The following CTNNA2 variants were observed in gnomAD, a reference collection of about 807,000 sequenced individuals.
CTNNA2 encodes catenin alpha-2.
CTNNA2 carries 42 observed loss-of-function variants against 101.0 expected under a neutral mutation model. The ratio of observed to expected loss-of-function variants is 0.42; its 90% CI spans 0.32 to 0.54. The LOEUF (loss-of-function observed/expected upper bound fraction) is 0.54, where lower values mean the gene tolerates loss of function less well. Among genes scored for constraint, CTNNA2 ranks in the 20% least tolerant of loss-of-function variants. The probability of loss-of-function intolerance (pLI) is 0.14; values close to 1 mark genes in which losing one functional copy is unlikely to be tolerated. For missense variants in CTNNA2, 871 were observed against 1,223.1 expected (o/e 0.71, Z 4.29); for synonymous variants, 450 against 456.4 (o/e 0.99, Z 0.18).
At chr2:79,481,460 T>C (rs1207913611) in intron 4 of CTNNA2, among the ~76,000 whole-genome samples, 1 of 152,108 alleles carries the variant, frequency 6.6e-6, no homozygotes, top group Non-Finnish European at 1.5e-5. Flanking sequence ...GAAGAGTCTC[T>C]TTTCCTGAGA....
At chr2:79,625,502 A>T (rs991341070) in intron 1 of CTNNA2, among the ~76,000 whole-genome samples, 2 of 152,236 alleles carry the variant, frequency 1.3e-5, no homozygotes, top group African/African-American at 4.8e-5. Context: ...CTTTTGTTTC[A>T]GTTTTATAGC....
chr2:80,308,979 C>T (rs762400533), intron 7 of CTNNA2, among the ~76,000 whole-genome samples: 2 of 152,014 alleles, frequency 1.3e-5, no homozygotes, highest in Non-Finnish European at 2.9e-5. Flanking sequence ...ATCCCAGCTA[C>T]TCAGGAGGCT....
intron 7 of CTNNA2, among the ~76,000 whole-genome samples, chr2:80,347,999 G>A (rs1559031343): frequency 6.6e-6 from 1 of 152,030 alleles, no homozygotes; most frequent in Non-Finnish European, 1.5e-5. Flanking sequence ...GTTCGATCAT[G>A]ATGGGTTTCC....
chr2:80,075,574 TAATATTTATACATGTATAAATATA>T (rs1196144388), intron 7 of CTNNA2, among the ~76,000 whole-genome samples: 14,867 of 124,738 alleles, frequency 0.12, 1,957 homozygotes, highest in Non-Finnish European at 0.18. Context: ...TATTATAAAA[TAATATTTATACATGTATAAATATA>T]AATATTTATA....
intron 18 of CTNNA2, among the ~76,000 whole-genome samples, chr2:80,624,056 C>T (rs1458460069): frequency 6.6e-6 from 1 of 151,896 alleles, no homozygotes; most frequent in African/African-American, 2.4e-5. Context: ...ATTCAAGAGA[C>T]CATCCTTCAT....
At chr2:80,039,366 T>C (rs1695882592) in intron 7 of CTNNA2, among the ~76,000 whole-genome samples, 1 of 152,190 alleles carries the variant, frequency 6.6e-6, no homozygotes, top group African/African-American at 2.4e-5. Context: ...AAAACCAGAA[T>C]GTCCGGGGAA....
chr2:80,077,803 A>G (rs923862683), intron 7 of CTNNA2, among the ~76,000 whole-genome samples: 1 of 152,166 alleles, frequency 6.6e-6, no homozygotes, highest in Admixed American at 6.6e-5. Flanking sequence ...AAGCGAGAGG[A>G]GCACTCGTGA....
At chr2:79,287,210 G>A (rs919658634) in intron 2 of CTNNA2, among the ~76,000 whole-genome samples, 53 of 152,158 alleles carry the variant, frequency 3.5e-4, no homozygotes, top group Admixed American at 1.7e-3. Context: ...ATGTCCTCCC[G>A]TAGCTCGGAG....
intron 17 of CTNNA2, among the ~76,000 whole-genome samples, chr2:80,617,827 T>C (rs1573470142): frequency 6.6e-6 from 1 of 151,836 alleles, no homozygotes; most frequent in East Asian, 1.9e-4. Context: ...AACAGAAAAA[T>C]CCCAAATTAA....
At chr2:80,596,248 T>G (rs548791019) in intron 15 of CTNNA2, among the ~76,000 whole-genome samples, 3 of 145,924 alleles carry the variant, frequency 2.1e-5, no homozygotes, top group Middle Eastern at 3.5e-3. Flanking sequence ...GCTTATCGAC[T>G]TAAGGAGTTT....
chr2:80,551,562 A>T (rs142966335), intron 11 of CTNNA2, among the ~76,000 whole-genome samples: 2 of 152,158 alleles, frequency 1.3e-5, no homozygotes, highest in Non-Finnish European at 2.9e-5. Context: ...TTGCACTTTT[A>T]TGTTATGGAG....
chr2:80,041,766 T>C (rs535309778), intron 7 of CTNNA2, among the ~76,000 whole-genome samples: 29 of 152,290 alleles, frequency 1.9e-4, no homozygotes, highest in Admixed American at 1.8e-3. Flanking sequence ...TAAGACAGTG[T>C]CAACCCCCTG....
At chr2:80,043,005 C>CT (rs1469587339) in intron 7 of CTNNA2, among the ~76,000 whole-genome samples, 13 of 149,488 alleles carry the variant, frequency 8.7e-5, no homozygotes, top group South Asian at 8.5e-4. Context: ...CCTTCCTTTC[C>CT]TTCCTTTCTT....
intron 11 of CTNNA2, among the ~76,000 whole-genome samples, chr2:80,550,286 A>T (rs1692451769): frequency 6.6e-6 from 1 of 152,172 alleles, no homozygotes; most frequent in Non-Finnish European, 1.5e-5. Context: ...GATCATTCTG[A>T]GCCTTCAGCC....
chr2:80,601,405 T>TTTTC (rs201436020), intron 15 of CTNNA2, among the ~76,000 whole-genome samples: 3 of 130,100 alleles, frequency 2.3e-5, no homozygotes, highest in Admixed American at 8.3e-5. Context: ...TTAATGACTT[T>TTTTC]TTTCTTTCTT....
intron 4 of CTNNA2, among the ~76,000 whole-genome samples, chr2:79,382,339 G>A (rs1455864672): frequency 7.9e-5 from 12 of 151,970 alleles, no homozygotes; most frequent in East Asian, 3.9e-4. Flanking sequence ...CTCAGCCTCC[G>A]TAGTCACATG....
chr2:80,199,294 T>C (rs776915006), intron 7 of CTNNA2, among the ~76,000 whole-genome samples: 1 of 151,834 alleles, frequency 6.6e-6, no homozygotes, highest in Non-Finnish European at 1.5e-5. Context: ...ATATTTTCAA[T>C]TGTCTGTTCT....
At chr2:80,340,142 A>G (rs928532581) in intron 7 of CTNNA2, among the ~76,000 whole-genome samples, 1 of 152,186 alleles carries the variant, frequency 6.6e-6, no homozygotes, top group Non-Finnish European at 1.5e-5. Flanking sequence ...AAGTCAGGCT[A>G]CCCCTCTCAG....
intron 12 of CTNNA2, among the ~76,000 whole-genome samples, chr2:80,560,548 A>G (rs1011199405): frequency 6.6e-6 from 1 of 152,174 alleles, no homozygotes; most frequent in Non-Finnish European, 1.5e-5. Flanking sequence ...TGCACTTGGC[A>G]TAAGCAATTA....
Sources: gnomAD v4.1 joint callset for allele counts (sites outside exome capture counted in the v4.1 genomes callset) on GRCh38, gnomAD v4.1.1 for gene constraint, MANE v1.5 for transcripts, NCBI Gene and HGNC (gene_info 2026-07-23, HGNC 2026-07-21) for gene names.